The following UBE3A variants were observed in gnomAD, a reference collection of about 807,000 sequenced individuals.
The protein encoded by UBE3A is ubiquitin protein ligase E3A.
UBE3A carries 6 observed loss-of-function variants against 83.4 expected under a neutral mutation model. The ratio of observed to expected loss-of-function variants is 0.07; its 90% CI spans 0.04 to 0.14. UBE3A has a LOEUF of 0.14. UBE3A is among the 10% of genes least tolerant of loss of function. The pLI is 1.00. For missense variants in UBE3A, 456 were observed against 1,036.1 expected, an observed-to-expected ratio of 0.44 and a Z score of 7.69; for synonymous variants, 337 against 355.4, an observed-to-expected ratio of 0.95 and a Z score of 0.58.
chr15:25,371,058 C>T lies in UBE3A; in HGVS notation c.1116G>A (p.Leu372=). 6.2e-7 allele frequency: 1 copy of T among 1,613,982 alleles called. No individual in the cohort carries two copies. Among genetic ancestry groups the T allele is most frequent in the South Asian group, 1.1e-5 (1 of 91,070 alleles). ...DDAIVAASKC[L]KMVYYANVVG... ...CTACATTTGCATAGTAAACCATTTT[C>T]AAGCACTTCGAAGCAGCAACAATGG... Residue 372 remains leucine, a synonymous_variant, in exon 6 of 13, where the codon TTG becomes TTA. Transcript: ENST00000648336. This position sits in a 1 kb window ranked among gnomAD's most constrained non-coding sequence, Gnocchi z 5.3.
chr15:25,382,396 T>A (rs1595926951), intron 4 of UBE3A, among the ~76,000 whole-genome samples: 1 of 147,254 alleles, frequency 6.8e-6, no homozygotes, highest in African/African-American at 2.5e-5. Context: ...TGATATATGA[T>A]AAAAAAAAAA....
intron 6 of UBE3A, among the ~76,000 whole-genome samples, chr15:25,361,901 A>G (rs1314008761): frequency 6.6e-6 from 1 of 152,244 alleles, no homozygotes; most frequent in Non-Finnish European, 1.5e-5. Flanking sequence ...TAAAGTAATA[A>G]TACTCATTTG....
In UBE3A at chr15:25,371,576, TAGC is replaced by T. The variant is rs766474336; in HGVS notation, c.595_597del (p.Ala199del). 6.2e-7 allele frequency: 1 copy of T among 1,614,064 alleles called. No individual in the cohort carries two copies. The highest frequency in any genetic ancestry group is 1.3e-5 in the African/African-American group (1 of 74,930). ...GAAGATGCTTCTGAGTCTTCTTCCA[TAGC>T]AGCAGCAGAACATGCAGCTTTTTCC... On this transcript the variant is annotated inframe_deletion, in exon 6 of 13. Coordinates refer to ENST00000648336, the MANE Select transcript of UBE3A (RefSeq NM_130839.5). The surrounding 1 kb of genome is among the most constrained non-coding windows in gnomAD (Gnocchi z 5.3).
intron 4 of UBE3A, among the ~76,000 whole-genome samples, chr15:25,396,466 A>G (rs1331025105): frequency 6.6e-6 from 1 of 151,618 alleles, no homozygotes; most frequent in Non-Finnish European, 1.5e-5. Flanking sequence ...ACAAACAAAA[A>G]CACTGTTTTA....
chr15:25,374,925 A>C (rs1247866966), intron 5 of UBE3A: 1 of 154,124 alleles, frequency 6.5e-6, no homozygotes, highest in African/African-American at 2.4e-5. Context: ...ACCTGAGTGA[A>C]GACTGTCATT....
chr15:25,432,492 G>A (rs184127351), intron 1 of UBE3A, among the ~76,000 whole-genome samples: 1 of 152,290 alleles, frequency 6.6e-6, no homozygotes, highest in Admixed American at 6.5e-5. Flanking sequence ...TAATTTGTAT[G>A]CAAGAGTGCT....
At chr15:25,426,851 G>A (rs1368930029) in intron 1 of UBE3A, among the ~76,000 whole-genome samples, 2 of 151,670 alleles carry the variant, frequency 1.3e-5, no homozygotes, top group Non-Finnish European at 2.9e-5. Context: ...AAGGGACAGG[G>A]TCTGTCACCG....
At chr15:25,425,081 C>T (rs1199365730) in intron 1 of UBE3A, among the ~76,000 whole-genome samples, 1 of 152,072 alleles carries the variant, frequency 6.6e-6, no homozygotes, top group Non-Finnish European at 1.5e-5. Flanking sequence ...AGAATACTCA[C>T]ATTTCCTGGT....
chr15:25,340,550 A>G (rs982611743), intron 11 of UBE3A, among the ~76,000 whole-genome samples: 3 of 152,184 alleles, frequency 2.0e-5, no homozygotes, highest in African/African-American at 7.2e-5. Flanking sequence ...GTAATGAGCA[A>G]AAGACAAAAT....
chr15:25,357,535 A>T (rs1232089379), intron 7 of UBE3A: 1 of 152,262 alleles, frequency 6.6e-6, no homozygotes, highest in Non-Finnish European at 1.5e-5. Flanking sequence ...TTTAGTAGAG[A>T]AGGGGTTTCA....
chr15:25,369,385 AAAAC>A (rs2079913489), intron 6 of UBE3A, among the ~76,000 whole-genome samples: 1 of 145,748 alleles, frequency 6.9e-6, no homozygotes, highest in African/African-American at 2.7e-5. Context: ...AAAAAAAAAA[AAAAC>A]ACACAAAATC....
chr15:25,390,509 G>A (rs1056553263), intron 4 of UBE3A, among the ~76,000 whole-genome samples: 10 of 152,084 alleles, frequency 6.6e-5, no homozygotes, highest in South Asian at 2.1e-4. Flanking sequence ...ATGCATATTA[G>A]TAAGTAAAAA....
intron 1 of UBE3A, among the ~76,000 whole-genome samples, chr15:25,415,104 A>C (rs554267335): frequency 7.9e-5 from 12 of 152,188 alleles, no homozygotes; most frequent in African/African-American, 2.9e-4. Flanking sequence ...TTATACTCAA[A>C]CCCTATGAAT....
intron 1 of UBE3A, among the ~76,000 whole-genome samples, chr15:25,437,130 T>A (rs79975109): frequency 3.1e-4 from 47 of 152,336 alleles, no homozygotes; most frequent in African/African-American, 1.1e-3. Flanking sequence ...CTTCTGGTCA[T>A]CCTTAGGGCT....
At chr15:25,384,118 C>CTT (rs2082665693) in intron 4 of UBE3A, among the ~76,000 whole-genome samples, 1 of 151,928 alleles carries the variant, frequency 6.6e-6, no homozygotes, top group African/African-American at 2.4e-5. Context: ...GTAAAAAATA[C>CTT]TTAGGGAATA....
At chr15:25,423,709 T>C (rs1189165945) in intron 1 of UBE3A, among the ~76,000 whole-genome samples, 5 of 152,156 alleles carry the variant, frequency 3.3e-5, no homozygotes, top group African/African-American at 1.2e-4. Context: ...CACAAGCTTA[T>C]ATGGTAAAAT....
rs944689434 is a variant in UBE3A at position 25,370,454 on chromosome 15, T to C, written c.1608+112A>G. Reference sequence around the variant, plus strand: ...ACTTATATAAGATCAGAAATGTCCATGTGTTCCTATGCTATATGGTATCAT... The same window carrying C: ...ACTTATATAAGATCAGAAATGTCCACGTGTTCCTATGCTATATGGTATCAT... On this transcript the variant is annotated intron_variant, in intron 6 of 12. Transcript: ENST00000648336. This position sits in a 1 kb window ranked among gnomAD's most constrained non-coding sequence, Gnocchi z 4.2. 7.2e-6 allele frequency: 9 copies of C among 1,241,776 alleles called. No individual in the cohort carries two copies. The highest frequency in any genetic ancestry group is 1.1e-5 in the Non-Finnish European group (9 of 844,316). The allele number at this position is 1,241,776 out of a possible 1,614,324, so 76.9% of individuals were successfully genotyped here.
chr15:25,404,417 TC>T (rs903280777), intron 4 of UBE3A, among the ~76,000 whole-genome samples: 1 of 152,164 alleles, frequency 6.6e-6, no homozygotes, highest in East Asian at 1.9e-4. Flanking sequence ...TATTTTTCAT[TC>T]CAACCCTTAA....
At chr15:25,396,479 C>T (rs943067310) in intron 4 of UBE3A, among the ~76,000 whole-genome samples, 16 of 152,132 alleles carry the variant, frequency 1.1e-4, no homozygotes, top group African/African-American at 3.6e-4. Flanking sequence ...CTGTTTTAGC[C>T]TGGCATGGTG....
Sources: allele counts gnomAD v4.1 joint callset (sites outside exome capture counted in the v4.1 genomes callset), GRCh38; gene constraint gnomAD v4.1.1; non-coding constraint Gnocchi (gnomAD v3.1); transcripts MANE v1.5; gene names NCBI Gene and HGNC (gene_info 2026-07-23, HGNC 2026-07-21).